CYP3A5: variants seen among roughly 807,000 people sequenced by gnomAD.
CYP3A5 encodes cytochrome P450 family 3 subfamily A member 5.
A neutral mutation model predicts 55.9 loss-of-function variants in CYP3A5; 51 were observed. The observed-to-expected ratio is 0.91, with a 90% confidence interval of 0.73 to 1.15. CYP3A5 has a LOEUF of 1.15. CYP3A5 is among the 50% of genes most tolerant of loss of function. The pLI, the probability that CYP3A5 is intolerant of heterozygous loss-of-function variation, is 0.00. For missense variants in CYP3A5, 533 were observed against 596.6 expected (o/e 0.89, Z 1.11); for synonymous variants, 196 against 213.9 (o/e 0.92, Z 0.73).
Position 99,660,498 on chromosome 7 carries a change from C to T in CYP3A5, c.1026+1G>A. 1 of 1,609,634 alleles carries T rather than the reference C, an allele frequency of 6.2e-7. No individual in the cohort carries two copies. Among genetic ancestry groups the T allele is most frequent in the Non-Finnish European group, 8.5e-7 (1 of 1,177,822 alleles). ...TTCATCTCCAGGGGTCATCCCCTCACCTTATTGGGCAAAACTGCATCAATC... is the reference window on the plus strand; with the variant it reads ...TTCATCTCCAGGGGTCATCCCCTCATCTTATTGGGCAAAACTGCATCAATC... On this transcript the variant is annotated splice_donor_variant, in intron 10 of 12. Coordinates refer to ENST00000222982, the MANE Select transcript of CYP3A5 (RefSeq NM_000777.5). LOFTEE classifies it high-confidence loss of function.
At chr7:99,650,731 C>T (rs1422236021) in intron 11 of CYP3A5, among the ~76,000 whole-genome samples, 4 of 152,042 alleles carry the variant, frequency 2.6e-5, no homozygotes, top group South Asian at 2.1e-4. Context: ...CTACCTTCCC[C>T]GTCCACCTTC....
rs866266651 is a variant in CYP3A5 at position 99,662,976 on chromosome 7, C to G, written c.799-94G>C. ...AGTCCTCAACCTCCCTTCTTGACTT[C>G]CCTCCCTCAACCTCCCTATGGCTTC... On this transcript the variant is annotated intron_variant, in intron 8 of 12. Coordinates refer to ENST00000222982, the MANE Select transcript of CYP3A5 (RefSeq NM_000777.5). The surrounding 1 kb of genome is among the most constrained non-coding windows in gnomAD (Gnocchi z 4.3). 18 of 1,564,388 alleles carry G rather than the reference C, an allele frequency of 1.2e-5. No individual in the cohort carries two copies. The African/African-American group carries it at 2.0e-4, about 18-fold the overall frequency.
chr7:99,661,340 T>G (rs983281708), intron 9 of CYP3A5, among the ~76,000 whole-genome samples: 66 of 152,298 alleles, frequency 4.3e-4, no homozygotes, highest in African/African-American at 1.6e-3. Context: ...CAACCTCACT[T>G]AAGCAGCATG....
At chr7:99,649,405 C>G (rs1451797005) in intron 12 of CYP3A5, among the ~76,000 whole-genome samples, 1 of 152,212 alleles carries the variant, frequency 6.6e-6, no homozygotes, top group Non-Finnish European at 1.5e-5. Flanking sequence ...TGTTCTTTAA[C>G]TTCTTCAGAG....
In CYP3A5 at chr7:99,679,874, G is replaced by A. The variant is rs369170873; in HGVS notation, c.23C>T (p.Ala8Val). Residue 8 changes from alanine to valine, a missense_variant, in exon 1 of 13, where the codon GCG becomes GTG. Transcript: ENST00000222982. ...AGCCAGGAGAAGCCAGGTTTCCACC[G>A]CCAAATTTGGGATGAGGTCCATCGC... Reference protein sequence around the residue: MDLIPNLAVETWLLLAVS... With the variant: MDLIPNLVVETWLLLAVS... 6.8e-6 allele frequency: 11 copies of A among 1,613,896 alleles called. No homozygotes were observed. Among genetic ancestry groups the A allele is most frequent in the Admixed American group, 3.3e-5 (2 of 60,002 alleles).
At chr7:99,673,233 G>A (rs1295769570) in intron 3 of CYP3A5, among the ~76,000 whole-genome samples, 15 of 152,178 alleles carry the variant, frequency 9.9e-5, no homozygotes, top group Admixed American at 9.8e-4. Context: ...CACAGTCAGC[G>A]CTGTGGATTC....
chr7:99,672,477 T>TTTTTTAG lies in CYP3A5; in HGVS notation c.318+102_318+103insCTAAAAA, dbSNP rs531042654. 925 of 1,000,808 alleles carry TTTTTTAG rather than the reference T, an allele frequency of 9.2e-4. 4 individuals carry two copies. The highest frequency in any genetic ancestry group is 5.9e-3 in the Middle Eastern group (19 of 3,212). 62.0% of individuals were successfully genotyped at this position (1,000,808 alleles called of 1,614,324 possible). ...GGATGAAGAGTACATGGAACCTTCC[T>TTTTTTAG]GTACATTTTTTAGGTAACCTTCTGT... On this transcript the variant is annotated intron_variant, in intron 4 of 12. Transcript: ENST00000222982.
intron 5 of CYP3A5, 128 bp from the exon 6 acceptor site, chr7:99,666,817 A>T: frequency 6.3e-7 from 1 of 1,581,654 alleles, no homozygotes; most frequent in Non-Finnish European, 8.6e-7. Flanking sequence ...TTTTCTGTAC[A>T]TAAAGATAAA....
chr7:99,652,065 A>T (rs1173303352), intron 11 of CYP3A5, among the ~76,000 whole-genome samples: 1 of 152,138 alleles, frequency 6.6e-6, no homozygotes, highest in East Asian at 1.9e-4. Context: ...AAATTCAGAG[A>T]GCTAAAGGGC....
chr7:99,670,177 G>A (rs1811449015), intron 4 of CYP3A5, among the ~76,000 whole-genome samples: 1 of 152,146 alleles, frequency 6.6e-6, no homozygotes, highest in African/African-American at 2.4e-5. Context: ...GTGAAATCAA[G>A]CTGTTTATGG....
At chr7:99,677,311 C>A in intron 1 of CYP3A5, 1 of 934,446 alleles carries the variant, frequency 1.1e-6, no homozygotes, top group Non-Finnish European at 1.3e-6. Context: ...TAGCCCCACA[C>A]AGTTGGCTCC....
rs1235155545 is a variant in CYP3A5, at chr7:99,664,098, G to A, written c.671-3C>T. The A allele has an allele frequency of 1.3e-6, 2 of 1,568,270 alleles. No homozygotes were observed. The highest frequency in any genetic ancestry group is 1.7e-6 in the Non-Finnish European group (2 of 1,167,090). The stretch of plus-strand genomic sequence containing the variant: ...TGGGGTAAGGAATGGAAAGAGTACT[G>A]TGGGAAAAACAAAACAAACAAAAGG... On this transcript the variant is annotated splice_region_variant and splice_polypyrimidine_tract_variant and intron_variant, in intron 7 of 12. Coordinates refer to ENST00000222982, the MANE Select transcript of CYP3A5 (RefSeq NM_000777.5).
chr7:99,679,455 A>T lies in CYP3A5; in HGVS notation c.71+371T>A, dbSNP rs147672791. On this transcript the variant is annotated intron_variant, in intron 1 of 12. Coordinates refer to ENST00000222982, the MANE Select transcript of CYP3A5 (RefSeq NM_000777.5). ...GCAAGCCACTCCTTCCTGTACCCAG[A>T]ATCCCCAGAGCCTGGGAAGGGGATG... 4.7e-3 allele frequency among the ~76,000 whole-genome samples: 715 copies of T among 152,296 alleles called. 4 individuals are homozygous for T. The highest frequency in any genetic ancestry group is 0.016 in the African/African-American group (662 of 41,570).
Position 99,660,582 on chromosome 7 carries a change from A to G in CYP3A5, c.943T>C (p.Ser315Pro). The change falls in exon 10 of 13, where the codon TCC (serine) becomes CCC (proline). Residue 315 changes from serine (S) to proline (P), a missense_variant. Transcript: ENST00000222982. ...GTGGCCAGTTCATATAAAGTGAAGG[A>G]AAGAACACTGCTGGTGGTTTCATAG... ...AGYETTSSVL[S>P]FTLYELATHP... The G allele has an allele frequency of 6.2e-7, 1 of 1,614,016 alleles. No homozygotes were observed. The highest frequency in any genetic ancestry group is 8.5e-7 in the Non-Finnish European group (1 of 1,179,988).
At chr7:99,671,787 C>CA in intron 4 of CYP3A5, 1 of 702,428 alleles carries the variant, frequency 1.4e-6, no homozygotes, top group South Asian at 1.5e-5. Context: ...GAGAAAAAGA[C>CA]AAACTCCATG....
chr7:99,663,821 C>G, intron 8 of CYP3A5, 147 bp downstream of exon 8: 2 of 1,352,480 alleles, frequency 1.5e-6, no homozygotes, highest in East Asian at 5.8e-5. Context: ...CAATCTCCTT[C>G]TTTATTTCTA....
chr7:99,653,319 C>T lies in CYP3A5; in HGVS notation c.1027-540G>A, dbSNP rs529189357. Among the ~76,000 whole-genome samples, 9 of 152,186 alleles carry T rather than the reference C, an allele frequency of 5.9e-5. No homozygotes were observed. The South Asian group carries it at 6.2e-4, about 11-fold the overall frequency. On this transcript the variant is annotated intron_variant, in intron 10 of 12. Transcript: ENST00000222982. This position sits in a 1 kb window ranked among gnomAD's most constrained non-coding sequence, Gnocchi z 4.2. ...TACAAAAACTAGCTGGGTGTGGTGG[C>T]GTGTGCCTGTAGTTCCAGCTACTCA...
At chr7:99,660,284 G>C (rs1207071521) in intron 10 of CYP3A5, 1 of 1,053,246 alleles carries the variant, frequency 9.5e-7, no homozygotes, top group African/African-American at 1.8e-5. Flanking sequence ...AGGTGAACCA[G>C]GGCCAGCAAT....
rs1267368182 is a variant in CYP3A5, at chr7:99,653,708, C to G, written c.1027-929G>C. On this transcript the variant is annotated intron_variant, in intron 10 of 12. Coordinates refer to ENST00000222982, the MANE Select transcript of CYP3A5 (RefSeq NM_000777.5). This position sits in a 1 kb window ranked among gnomAD's most constrained non-coding sequence, Gnocchi z 4.2. ...TAAATGTCCCTTTGTGTCTGCCTCA[C>G]AGCCACACCAGGGTCAGCCCCACAG... Among the ~76,000 whole-genome samples the G allele has an allele frequency of 2.6e-5, 4 of 152,176 alleles. No individual in the cohort carries two copies. The highest frequency in any genetic ancestry group is 5.9e-5 in the Non-Finnish European group (4 of 68,040).
Sources: gnomAD v4.1 joint callset for allele counts (sites outside exome capture counted in the v4.1 genomes callset) on GRCh38, gnomAD v4.1.1 for gene constraint, Gnocchi (gnomAD v3.1) non-coding constraint, MANE v1.5 for transcripts, NCBI Gene and HGNC (gene_info 2026-07-23, HGNC 2026-07-21) for gene names.